The following CDH13 variants were observed in gnomAD, a reference collection of about 807,000 sequenced individuals.
CDH13 encodes cadherin-13.
A neutral mutation model predicts 63.8 loss-of-function variants in CDH13; 24 were observed. That is an observed-to-expected ratio of 0.38 (90% CI 0.27 to 0.53). The LOEUF is 0.53. Among genes scored for constraint, CDH13 ranks in the 20% least tolerant of loss-of-function variants. The pLI is 0.85. For synonymous variants in CDH13, 503 were observed against 355.3 expected (o/e 1.42, Z -4.67); for missense variants, 1,049 against 903.1 (o/e 1.16, Z -2.07).
At chr16:83,156,594 C>G (rs2037216604) in intron 4 of CDH13, among the ~76,000 whole-genome samples, 1 of 152,122 alleles carries the variant, frequency 6.6e-6, no homozygotes. Context: ...TTCAAAGCCT[C>G]CAGATAAAAG....
chr16:83,368,451 T>C (rs901267232), intron 6 of CDH13, among the ~76,000 whole-genome samples: 2 of 152,226 alleles, frequency 1.3e-5, no homozygotes, highest in African/African-American at 4.8e-5. Flanking sequence ...TGAGCCATGA[T>C]TGAATTATTC....
At chr16:83,507,495 TC>T (rs747816284) in intron 7 of CDH13, among the ~76,000 whole-genome samples, 1 of 152,190 alleles carries the variant, frequency 6.6e-6, no homozygotes, top group Non-Finnish European at 1.5e-5. Context: ...ACAGTCTTTG[TC>T]CCATTCTTAA....
intron 5 of CDH13, among the ~76,000 whole-genome samples, chr16:83,304,063 T>A (rs1029134259): frequency 2.0e-5 from 3 of 152,176 alleles, no homozygotes; most frequent in African/African-American, 7.2e-5. Context: ...AATATTTTAA[T>A]TATTCATGGA....
At position 83,378,508 on chromosome 16, in the gene CDH13, T is replaced by A. The variant is rs1013465; in HGVS notation, c.781+33502T>A. 3.0e-4 allele frequency among the ~76,000 whole-genome samples: 45 copies of A among 152,078 alleles called. 1 individual carries two copies. The East Asian group carries it at 7.6e-3, about 26-fold the overall frequency. On this transcript the variant is annotated intron_variant, in intron 6 of 13. Coordinates refer to ENST00000567109, the MANE Select transcript of CDH13 (RefSeq NM_001257.5). Reference sequence around the variant, plus strand: ...TCATATCTCCAATAAAGGGGTCCCCTTCAGTTGGATTGGCCATACCTTCAG... The same window carrying A: ...TCATATCTCCAATAAAGGGGTCCCCATCAGTTGGATTGGCCATACCTTCAG...
chr16:82,689,265 C>G (rs1275604885), intron 1 of CDH13, among the ~76,000 whole-genome samples: 1 of 151,514 alleles, frequency 6.6e-6, no homozygotes, highest in Non-Finnish European at 1.5e-5. Context: ...TGGGCCCATA[C>G]AGGTTCCAGT....
intron 3 of CDH13, among the ~76,000 whole-genome samples, chr16:83,117,828 T>C (rs1235446266): frequency 3.3e-5 from 5 of 150,962 alleles, no homozygotes; most frequent in Admixed American, 1.3e-4. Context: ...CTCCCCTTTA[T>C]TTCTGATATG....
Position 83,077,486 on chromosome 16 carries a change from C to T in CDH13, c.366+45268C>T, listed in dbSNP as rs935009408. Among the ~76,000 whole-genome samples, 3 of 151,978 alleles carry T rather than the reference C, an allele frequency of 2.0e-5. No homozygotes were observed. In the South Asian group the frequency reaches 6.2e-4, roughly 32 times the overall value. On this transcript the variant is annotated intron_variant, in intron 3 of 13. Transcript: ENST00000567109. ...GGGATTACAGGTGTGAGCCATCACA[C>T]CTGGCCAGCATAAGATTTTTTAGAT...
At chr16:83,391,530 G>T (rs2091786236) in intron 6 of CDH13, among the ~76,000 whole-genome samples, 1 of 152,094 alleles carries the variant, frequency 6.6e-6, no homozygotes, top group Non-Finnish European at 1.5e-5. Context: ...ATAATAGTAA[G>T]CCCCAATTAT....
In CDH13 at chr16:82,762,675, C is replaced by T. The variant is rs539573460; in HGVS notation, c.46-95687C>T. The stretch of plus-strand genomic sequence containing the variant: ...TAAAATCCCCTGGCCAAACAGTGGG[C>T]GTACTGGACTTCCTGGAGGGGTTCC... On this transcript the variant is annotated intron_variant, in intron 1 of 13. Coordinates refer to ENST00000567109, the MANE Select transcript of CDH13 (RefSeq NM_001257.5). 1.3e-4 allele frequency among the ~76,000 whole-genome samples: 20 copies of T among 152,246 alleles called. No homozygotes were observed. The South Asian group carries it at 3.1e-3, about 24-fold the overall frequency.
chr16:83,558,872 C>T (rs973324364), intron 7 of CDH13, among the ~76,000 whole-genome samples: 5 of 152,088 alleles, frequency 3.3e-5, no homozygotes, highest in East Asian at 1.9e-4. Context: ...GCGTAGTGTG[C>T]GGGTATCCGA....
chr16:83,277,037 G>C (rs549564230), intron 5 of CDH13, among the ~76,000 whole-genome samples: 3 of 152,134 alleles, frequency 2.0e-5, no homozygotes, highest in African/African-American at 7.2e-5. Context: ...CCCCCACCAG[G>C]TCTCTCCAAC....
intron 1 of CDH13, among the ~76,000 whole-genome samples, chr16:82,650,641 C>T (rs1277545499): frequency 2.0e-5 from 3 of 152,246 alleles, no homozygotes; most frequent in African/African-American, 4.8e-5. Flanking sequence ...TGGCTCTCCT[C>T]CCACATCCCC....
chr16:82,790,008 C>T (rs1187054997), intron 1 of CDH13, among the ~76,000 whole-genome samples: 2 of 152,258 alleles, frequency 1.3e-5, no homozygotes, highest in East Asian at 3.9e-4. Flanking sequence ...AGCTTCTGCT[C>T]ACTATGACAT....
chr16:83,438,594 A>T (rs2072388728), intron 6 of CDH13, among the ~76,000 whole-genome samples: 3 of 152,238 alleles, frequency 2.0e-5, no homozygotes, highest in Non-Finnish European at 4.4e-5. Flanking sequence ...AGGACAATGG[A>T]TAGGAGACAT....
chr16:83,095,091 TAAG>T (rs780243531), intron 3 of CDH13, among the ~76,000 whole-genome samples: 7 of 152,326 alleles, frequency 4.6e-5, no homozygotes, highest in African/African-American at 7.2e-5. Context: ...GTCAACTTGA[TAAG>T]AAGATTTCTG....
At chr16:83,666,923 C>T (rs1055682640) in intron 8 of CDH13, among the ~76,000 whole-genome samples, 1 of 152,154 alleles carries the variant, frequency 6.6e-6, no homozygotes. Flanking sequence ...CCATCTGTCT[C>T]TCCTTTCAGC....
At chr16:83,341,989 C>CCCCACACACACACACACACACACACACA (rs767233245) in intron 5 of CDH13, among the ~76,000 whole-genome samples, 1 of 138,072 alleles carries the variant, frequency 7.2e-6, no homozygotes, top group Non-Finnish European at 1.6e-5. Flanking sequence ...GTGTCCCCTG[C>CCCCACACACACACACACACACACACACA]CACACACACA....
At chr16:83,558,368 T>C (rs1353771827) in intron 7 of CDH13, among the ~76,000 whole-genome samples, 2 of 152,142 alleles carry the variant, frequency 1.3e-5, no homozygotes, top group Non-Finnish European at 2.9e-5. Flanking sequence ...AAAACAAAGC[T>C]TGAAGTCAAA....
intron 2 of CDH13, among the ~76,000 whole-genome samples, chr16:82,862,023 A>G (rs1352771885): frequency 3.3e-5 from 5 of 152,204 alleles, no homozygotes. Context: ...TTAGAAGGCA[A>G]CCACTCAGAA....
Sources: allele counts gnomAD v4.1 joint callset (sites outside exome capture counted in the v4.1 genomes callset), GRCh38; gene constraint gnomAD v4.1.1; transcripts MANE v1.5; gene names NCBI Gene and HGNC (gene_info 2026-07-23, HGNC 2026-07-21).